The following BICC1 variants were observed in gnomAD, a reference collection of about 807,000 sequenced individuals.
The protein encoded by BICC1 is BicC family RNA binding protein 1.
Under a neutral mutation model 111.0 loss-of-function variants are expected in BICC1, and 43 were observed. The observed-to-expected ratio is 0.39, with a 90% CI of 0.30 to 0.50. The LOEUF (loss-of-function observed/expected upper bound fraction) is 0.50. BICC1 is among the 20% of genes least tolerant of loss of function. The pLI, the probability that BICC1 is intolerant of heterozygous loss-of-function variation, is 0.88. For synonymous variants in BICC1, 467 were observed against 434.4 expected (o/e 1.07, Z -0.93); for missense variants, 1,091 against 1,203.2 (o/e 0.91, Z 1.38).
chr10:58,688,890 G>T (rs374840559), intron 2 of BICC1, among the ~76,000 whole-genome samples: 4 of 152,062 alleles, frequency 2.6e-5, no homozygotes, highest in Admixed American at 6.6e-5. Flanking sequence ...GGAGTGGGGG[G>T]CTAGGGGAGG....
chr10:58,543,833 T>TAAAAA (rs11393752), intron 1 of BICC1, among the ~76,000 whole-genome samples: 1 of 135,000 alleles, frequency 7.4e-6, no homozygotes, highest in Admixed American at 7.5e-5. Flanking sequence ...TAACCATAAT[T>TAAAAA]AAAAAAAAAA....
intron 1 of BICC1, among the ~76,000 whole-genome samples, chr10:58,570,056 G>C (rs997862328): frequency 2.0e-4 from 31 of 152,222 alleles, no homozygotes; most frequent in African/African-American, 7.2e-4. Flanking sequence ...ATCATCTGTT[G>C]TTTCCTGACA....
rs979622747 is a variant in BICC1 at position 58,512,988 on chromosome 10, C to T, written c.-156C>T. Reference sequence around the variant, plus strand: ...CCGGGGCTGGGATGCGCCGGGGGCTCAGTGGCGGCGGCGGCGTTGGCGGTG... The same window carrying T: ...CCGGGGCTGGGATGCGCCGGGGGCTTAGTGGCGGCGGCGGCGTTGGCGGTG... On this transcript the variant is annotated 5_prime_UTR_variant, in exon 1 of 21. Coordinates refer to ENST00000373886, the MANE Select transcript of BICC1 (RefSeq NM_001080512.3). Among the ~76,000 whole-genome samples the T allele has an allele frequency of 5.4e-5, 8 of 148,252 alleles. No individual in the cohort carries two copies. The highest frequency in any genetic ancestry group is 1.7e-4 in the African/African-American group (7 of 41,122).
intron 2 of BICC1, among the ~76,000 whole-genome samples, chr10:58,645,716 C>T (rs1838250419): frequency 6.6e-6 from 1 of 152,196 alleles, no homozygotes; most frequent in Admixed American, 6.5e-5. Context: ...AAATTTTCTT[C>T]GCCAGGAGGC....
intron 3 of BICC1, among the ~76,000 whole-genome samples, chr10:58,739,579 C>A (rs936301910): frequency 2.0e-5 from 3 of 151,564 alleles, no homozygotes; most frequent in African/African-American, 7.3e-5. Flanking sequence ...TAATTTCTCT[C>A]CAACAATTCT....
chr10:58,529,461 T>A (rs1842625950), intron 1 of BICC1, among the ~76,000 whole-genome samples: 1 of 151,972 alleles, frequency 6.6e-6, no homozygotes. Flanking sequence ...ATTATCTATG[T>A]TCTGAGTTGA....
chr10:58,821,886 T>G (rs1844260623), intron 20 of BICC1, among the ~76,000 whole-genome samples: 1 of 152,148 alleles, frequency 6.6e-6, no homozygotes, highest in Non-Finnish European at 1.5e-5. Context: ...AATTTGTGAT[T>G]GTACAAAGGT....
chr10:58,658,998 A>G (rs77713259), intron 2 of BICC1, among the ~76,000 whole-genome samples: 1 of 126,764 alleles, frequency 7.9e-6, no homozygotes, highest in Non-Finnish European at 1.7e-5. Context: ...GAATGTGTGT[A>G]TGTATACACG....
rs539392937 is a variant in BICC1 at position 58,797,840 on chromosome 10, T to G, written c.1367-559T>G. On this transcript the variant is annotated intron_variant, in intron 10 of 20. Transcript: ENST00000373886. ...AACAACAACCAAAAAAAAACAGTAT[T>G]TTTTTCTGAGGAAATTTTCATCATT... Among the ~76,000 whole-genome samples the G allele has an allele frequency of 6.6e-5, 10 of 152,256 alleles. No homozygotes were observed. In the East Asian group the frequency reaches 1.7e-3, roughly 26 times the overall value.
intron 4 of BICC1, among the ~76,000 whole-genome samples, chr10:58,785,666 A>G (rs74149132): frequency 0.021 from 3,271 of 152,316 alleles, 99 homozygotes; most frequent in African/African-American, 0.074. Context: ...TAACAAACAC[A>G]TCTAAATCAC....
intron 3 of BICC1, among the ~76,000 whole-genome samples, chr10:58,713,495 A>G (rs1840642097): frequency 6.6e-6 from 1 of 152,230 alleles, no homozygotes; most frequent in Non-Finnish European, 1.5e-5. Flanking sequence ...CCCATTATAT[A>G]TATTAATAAC....
At chr10:58,619,988 C>G (rs1228023719) in intron 1 of BICC1, among the ~76,000 whole-genome samples, 1 of 152,132 alleles carries the variant, frequency 6.6e-6, no homozygotes. Flanking sequence ...ACTTCAGTAC[C>G]TTTCTTTGTC....
chr10:58,558,171 T>C (rs144271414), intron 1 of BICC1, among the ~76,000 whole-genome samples: 3 of 152,252 alleles, frequency 2.0e-5, no homozygotes, highest in African/African-American at 7.2e-5. Flanking sequence ...TATGTGAGAG[T>C]TAGGATTATT....
chr10:58,576,006 T>C (rs1844101053), intron 1 of BICC1, among the ~76,000 whole-genome samples: 1 of 152,228 alleles, frequency 6.6e-6, no homozygotes, highest in African/African-American at 2.4e-5. Flanking sequence ...GTGTGTGCTT[T>C]AAATAGGTTA....
At chr10:58,606,965 A>T (rs970932549) in intron 1 of BICC1, among the ~76,000 whole-genome samples, 6 of 152,166 alleles carry the variant, frequency 3.9e-5, no homozygotes, top group Non-Finnish European at 8.8e-5. Context: ...GAGAATTTTT[A>T]AAAATGTTTC....
At chr10:58,702,665 G>C (rs1033058435) in intron 3 of BICC1, among the ~76,000 whole-genome samples, 3 of 152,140 alleles carry the variant, frequency 2.0e-5, no homozygotes, top group African/African-American at 7.2e-5. Flanking sequence ...ACACTACCCA[G>C]TGCATAGATG....
At chr10:58,803,016 G>C in intron 14 of BICC1, 61 bp from the exon 15 acceptor site, 1 of 1,415,658 alleles carries the variant, frequency 7.1e-7, no homozygotes, top group Middle Eastern at 2.3e-4. Flanking sequence ...TGGCATGTAG[G>C]AAACATTCAG....
intron 3 of BICC1, among the ~76,000 whole-genome samples, chr10:58,772,707 G>C (rs1049499206): frequency 6.6e-6 from 1 of 152,136 alleles, no homozygotes; most frequent in African/African-American, 2.4e-5. Context: ...TTATAGGCCG[G>C]TTTGTTTACA....
At chr10:58,767,262 G>A (rs1005925743) in intron 3 of BICC1, among the ~76,000 whole-genome samples, 1 of 152,134 alleles carries the variant, frequency 6.6e-6, no homozygotes, top group Non-Finnish European at 1.5e-5. Context: ...ACTGCCCTAG[G>A]GAAAGCAAAT....
Sources: allele counts gnomAD v4.1 joint callset (sites outside exome capture counted in the v4.1 genomes callset), GRCh38; gene constraint gnomAD v4.1.1; transcripts MANE v1.5; gene names NCBI Gene and HGNC (gene_info 2026-07-23, HGNC 2026-07-21).